VWA5B1: variants seen among roughly 807,000 people sequenced by gnomAD.
The protein encoded by VWA5B1 is von Willebrand factor A domain containing 5B1.
In VWA5B1, 115 loss-of-function variants were observed where a neutral mutation model predicts 118.2. That is an observed-to-expected ratio of 0.97 (90% CI 0.84 to 1.14). VWA5B1 has a LOEUF of 1.14. VWA5B1 is among the 50% of genes most tolerant of loss of function. The probability of loss-of-function intolerance (pLI) is 0.00; values close to 1 mark genes in which losing one functional copy is unlikely to be tolerated. For missense variants in VWA5B1, 1,596 were observed against 1,603.8 expected, an observed-to-expected ratio of 1.00 and a Z score of 0.08; for synonymous variants, 682 against 658.4, an observed-to-expected ratio of 1.04 and a Z score of -0.55.
In VWA5B1 at chr1:20,355,579, G is replaced by T. The variant is rs568474137; in HGVS notation, c.*1316G>T. 6.6e-6 allele frequency among the ~76,000 whole-genome samples: 1 copy of T among 152,240 alleles called. No homozygotes were observed. The highest frequency in any genetic ancestry group is 1.9e-4 in the East Asian group (1 of 5,180). Reference sequence around the variant, plus strand: ...ATCAAATTCCTGTCCCAACCTTGGAGTGAAGCTCCACAGACTTCCCTCGTG... The same window carrying T: ...ATCAAATTCCTGTCCCAACCTTGGATTGAAGCTCCACAGACTTCCCTCGTG... On this transcript the variant is annotated 3_prime_UTR_variant, in exon 22 of 22. Coordinates refer to ENST00000289815, the MANE Select transcript of VWA5B1 (RefSeq NM_001039500.3).
chr1:20,342,609 G>T lies in VWA5B1; in HGVS notation c.2311G>T (p.Glu771Ter), dbSNP rs2089906044. 3.4e-6 allele frequency: 5 copies of T among 1,478,058 alleles called. No individual in the cohort carries two copies. In the South Asian group the frequency reaches 4.2e-5, roughly 12 times the overall value. The allele number at this position is 1,478,058 out of a possible 1,614,324, so 91.6% of individuals were successfully genotyped here. ...TSDSRSPGDL[E>*]PSHHPSAFET... ...TGACAGCCGAAGCCCTGGAGATCTG[G>T]GTAAGTGACCACAGGGTCCAGGACC... Residue 771 changes from glutamate to a stop codon, truncating the protein, a stop_gained and splice_region_variant, in exon 15 of 22, where the codon GAG becomes TAG. Coordinates refer to ENST00000289815, the MANE Select transcript of VWA5B1 (RefSeq NM_001039500.3). LOFTEE classifies it high-confidence loss of function.
intron 1 of VWA5B1, among the ~76,000 whole-genome samples, chr1:20,300,497 G>A (rs2088484046): frequency 6.6e-6 from 1 of 152,182 alleles, no homozygotes; most frequent in Admixed American, 6.5e-5. Flanking sequence ...CAGCAAATAA[G>A]TATAGAGGGT....
rs1416486327 is a variant in VWA5B1 at position 20,358,921 on chromosome 1, C to T, written c.*4658C>T. Among the ~76,000 whole-genome samples, 1 of 152,228 alleles carries T rather than the reference C, an allele frequency of 6.6e-6. No homozygotes were observed. The highest frequency in any genetic ancestry group is 1.5e-5 in the Non-Finnish European group (1 of 68,052). On this transcript the variant is annotated 3_prime_UTR_variant, in exon 22 of 22. Coordinates refer to ENST00000289815, the MANE Select transcript of VWA5B1 (RefSeq NM_001039500.3). ...TCCAAGGTCAGGGGCTTGGCAGCAGCTCCTGGCCACGCCTACAGCTCCCAA... is the reference window on the plus strand; with the variant it reads ...TCCAAGGTCAGGGGCTTGGCAGCAGTTCCTGGCCACGCCTACAGCTCCCAA...
chr1:20,341,253 A>C (rs2089867825), intron 14 of VWA5B1, among the ~76,000 whole-genome samples: 1 of 152,224 alleles, frequency 6.6e-6, no homozygotes, highest in Non-Finnish European at 1.5e-5. Flanking sequence ...TACAAACAAT[A>C]CTGCAACAAG....
In VWA5B1 at chr1:20,332,941, A is replaced by G. The variant is rs1327982515; in HGVS notation, c.1748A>G (p.Asn583Ser). ...IVCDASLHISNPRSDKRRRYS... is the reference protein window; with the variant it reads ...IVCDASLHISSPRSDKRRRYS... ...TGTGATGCTTCTTTGCACATCTCCA[A>G]TCCCAGATCTGTAAGTATCCTAGAA... Residue 583 changes from asparagine to serine, a missense_variant, in exon 12 of 22, where the codon AAT becomes AGT. Physicochemically the swap from Asn to Ser is conservative, Grantham distance 46. Coordinates refer to ENST00000289815, the MANE Select transcript of VWA5B1 (RefSeq NM_001039500.3). 9.7e-6 allele frequency: 15 copies of G among 1,551,786 alleles called. No individual in the cohort carries two copies. The highest frequency in any genetic ancestry group is 1.4e-5 in the African/African-American group (1 of 73,056).
chr1:20,324,781 A>G (rs1029631884), intron 8 of VWA5B1, among the ~76,000 whole-genome samples: 1 of 152,150 alleles, frequency 6.6e-6, no homozygotes, highest in African/African-American at 2.4e-5. Context: ...GTTGTCTTGA[A>G]GTATGACAAA....
chr1:20,327,097 A>G (rs2089409483), intron 8 of VWA5B1, among the ~76,000 whole-genome samples: 1 of 151,662 alleles, frequency 6.6e-6, no homozygotes, highest in South Asian at 2.1e-4. Context: ...ATTTTTTTTC[A>G]GTCTACCTTT....
Position 20,354,549 on chromosome 1 carries a change from T to G in VWA5B1, c.*286T>G. Reference sequence around the variant, plus strand: ...GAGTGGATCTCAAATGGTTCAGTGGTTCCTTTCTGCCCATTCAGGCAGTCC... The same window carrying G: ...GAGTGGATCTCAAATGGTTCAGTGGGTCCTTTCTGCCCATTCAGGCAGTCC... On this transcript the variant is annotated 3_prime_UTR_variant, in exon 22 of 22. Coordinates refer to ENST00000289815, the MANE Select transcript of VWA5B1 (RefSeq NM_001039500.3). 1 of 426,182 alleles carries G rather than the reference T, an allele frequency of 2.3e-6. No homozygotes were observed. The highest frequency in any genetic ancestry group is 4.3e-6 in the Non-Finnish European group (1 of 234,780). The allele number at this position is 426,182 out of a possible 1,614,324, so 26.4% of individuals were successfully genotyped here.
In VWA5B1 at chr1:20,358,311, C is replaced by T. The variant is rs1298122225; in HGVS notation, c.*4048C>T. ...TCCTTCTCCCTTCCAGCTGGTTCAC[C>T]AGGAACAGCTGTCAAAAAAGGTTTC... On this transcript the variant is annotated 3_prime_UTR_variant, in exon 22 of 22. Transcript: ENST00000289815. 1.3e-5 allele frequency among the ~76,000 whole-genome samples: 2 copies of T among 152,174 alleles called. No individual in the cohort carries two copies. Among genetic ancestry groups the T allele is most frequent in the East Asian group, 3.9e-4 (2 of 5,188 alleles).
chr1:20,307,024 C>A (rs2088676635), intron 1 of VWA5B1, among the ~76,000 whole-genome samples: 1 of 152,206 alleles, frequency 6.6e-6, no homozygotes, highest in African/African-American at 2.4e-5. Context: ...GCCAGCTCCA[C>A]TCAATCCCTT....
At chr1:20,326,515 G>A (rs1175057628) in intron 8 of VWA5B1, among the ~76,000 whole-genome samples, 2 of 152,156 alleles carry the variant, frequency 1.3e-5, no homozygotes, top group Non-Finnish European at 2.9e-5. Context: ...GCCCAGGCTG[G>A]AGTGCAGTGG....
intron 1 of VWA5B1, among the ~76,000 whole-genome samples, chr1:20,291,853 G>GC (rs2088312986): frequency 6.6e-6 from 1 of 152,090 alleles, no homozygotes; most frequent in Non-Finnish European, 1.5e-5. Context: ...GCAGTGTGGC[G>GC]CCTGCTAACG....
intron 1 of VWA5B1, among the ~76,000 whole-genome samples, chr1:20,307,710 C>G (rs1190992299): frequency 6.6e-6 from 1 of 152,064 alleles, no homozygotes; most frequent in African/African-American, 2.4e-5. Flanking sequence ...GCCTGGAATA[C>G]AGTAGGTGCT....
Position 20,335,689 on chromosome 1 carries a change from G to A in VWA5B1, c.1759-614G>A, listed in dbSNP as rs923721649. 2.0e-5 allele frequency among the ~76,000 whole-genome samples: 3 copies of A among 152,186 alleles called. No individual in the cohort carries two copies. In the East Asian group the frequency reaches 5.8e-4, roughly 29 times the overall value. On this transcript the variant is annotated intron_variant, in intron 12 of 21. Coordinates refer to ENST00000289815, the MANE Select transcript of VWA5B1 (RefSeq NM_001039500.3). ...ACGCTAGAGAAAATAAAATGTTTTT[G>A]AGAAAATCATAAAGAAGAGAAAATA...
chr1:20,294,003 A>G (rs2088359616), intron 1 of VWA5B1, among the ~76,000 whole-genome samples: 1 of 152,186 alleles, frequency 6.6e-6, no homozygotes, highest in Non-Finnish European at 1.5e-5. Context: ...GAATGAACAG[A>G]CAAGAAAGGG....
At chr1:20,333,747 A>C (rs1443682756) in intron 12 of VWA5B1, among the ~76,000 whole-genome samples, 3 of 152,032 alleles carry the variant, frequency 2.0e-5, no homozygotes, top group Non-Finnish European at 4.4e-5. Flanking sequence ...GAACTTCTGA[A>C]AGGGAGGTGA....
At chr1:20,352,021 G>T (rs1004258646) in intron 20 of VWA5B1, 34 bp from the exon 21 acceptor site, 4 of 1,526,736 alleles carry the variant, frequency 2.6e-6, no homozygotes, top group Non-Finnish European at 2.7e-6. Flanking sequence ...CTGGAGGTTG[G>T]GATGCCCAGG....
intron 9 of VWA5B1, among the ~76,000 whole-genome samples, chr1:20,329,544 A>G (rs1259846028): frequency 1.3e-5 from 2 of 152,040 alleles, no homozygotes; most frequent in African/African-American, 4.8e-5. Flanking sequence ...CCTGACCTCA[A>G]GTGATCCACC....
intron 3 of VWA5B1, among the ~76,000 whole-genome samples, 175 bp from the exon 4 acceptor site, chr1:20,314,147 A>G (rs1420222415): frequency 1.3e-5 from 2 of 152,122 alleles, no homozygotes; most frequent in Non-Finnish European, 2.9e-5. Context: ...CTAGAGTCAG[A>G]CGCATGGGGG....
Sources: gnomAD v4.1 joint callset for allele counts (sites outside exome capture counted in the v4.1 genomes callset) on GRCh38, gnomAD v4.1.1 for gene constraint, MANE v1.5 for transcripts, NCBI Gene and HGNC (gene_info 2026-07-23, HGNC 2026-07-21) for gene names.